IL16: variants seen among roughly 807,000 people sequenced by gnomAD.
IL16 encodes the protein pro-interleukin-16.
Under a neutral mutation model 110.1 loss-of-function variants are expected in IL16, and 67 were observed. The observed-to-expected ratio is 0.61, with a 90% CI of 0.50 to 0.75. IL16 has a LOEUF of 0.75. Ranked by LOEUF, IL16 falls within the 30% of genes least tolerant of loss-of-function variation. IL16 has a pLI of 0.00. For missense variants in IL16, 1,545 were observed against 1,655.0 expected, an observed-to-expected ratio of 0.93 and a Z score of 1.15; for synonymous variants, 689 against 662.9, an observed-to-expected ratio of 1.04 and a Z score of -0.61.
At chr15:81,276,563 A>T (rs1259638182) in intron 6 of IL16, among the ~76,000 whole-genome samples, 1 of 152,232 alleles carries the variant, frequency 6.6e-6, no homozygotes, top group Non-Finnish European at 1.5e-5. Context: ...CCAGGGGAGC[A>T]ACAAGGAAAC....
chr15:81,193,744 A>C (rs1316848844), upstream of IL16, among the ~76,000 whole-genome samples: 4 of 152,180 alleles, frequency 2.6e-5, no homozygotes, highest in Admixed American at 2.6e-4. Context: ...TTGGACGTGC[A>C]CTTTTTGGAC....
Position 81,292,909 on chromosome 15 carries a change from C to T in IL16, c.1774C>T (p.Pro592Ser), listed in dbSNP as rs1899805410. Residue 592 changes from proline to serine, a missense_variant, in exon 12 of 19, where the codon CCT (proline) becomes TCT (serine). Pro to Ser is a moderately conservative substitution (Grantham distance 74). Around this residue, in one of 3 missense-constraint regions of IL16, gnomAD observed 1,185 missense variants for 1,238.8 expected, o/e 0.96. Transcript: ENST00000683961. ...KKSFEILVRK[P>S]MSSKPKPPPR... ...ATCCTTTGAGATTTTGGTGAGAAAG[C>T]CTATGTCCTCCAAGCCCAAGCCTCC... The T allele has an allele frequency of 6.2e-7, 1 of 1,614,204 alleles. No homozygotes were observed. The highest frequency in any genetic ancestry group is 1.1e-5 in the South Asian group (1 of 91,082).
rs934972745 is a variant in IL16, at chr15:81,238,444, A to G, written c.312+12733A>G. Reference sequence around the variant, plus strand: ...TTATAGTTTTCATAGTGGTTGCTGTATATATTACCATATATGCACATAACT... The same window carrying G: ...TTATAGTTTTCATAGTGGTTGCTGTGTATATTACCATATATGCACATAACT... On this transcript the variant is annotated intron_variant, in intron 2 of 18. Transcript: ENST00000683961. Among the ~76,000 whole-genome samples, 3 of 152,288 alleles carry G rather than the reference A, an allele frequency of 2.0e-5. 1 individual carries two copies. Among genetic ancestry groups the G allele is most frequent in the Middle Eastern group, 6.8e-3 (2 of 294 alleles).
Position 81,299,951 on chromosome 15 carries a change from T to A in IL16, c.2625T>A (p.Leu875=), listed in dbSNP as rs771676934. 3.1e-6 allele frequency: 5 copies of A among 1,611,112 alleles called. No individual in the cohort carries two copies. The East Asian group carries it at 1.1e-4, about 36-fold the overall frequency. Residue 875 remains leucine (L), a synonymous_variant, in exon 14 of 19, where the codon CTT becomes CTA. Coordinates refer to ENST00000683961, the MANE Select transcript of IL16 (RefSeq NM_172217.5). ...CCTCTGGGGAGGCAGCAAAACCTCT[T>A]GGGAAGCATGAGGAAGGACGGTTTT... The part of the protein sequence containing the change: ...QPSSGEAAKP[L]GKHEEGRFSG...
chr15:81,299,273 C>T lies in IL16; in HGVS notation c.2054-107C>T, dbSNP rs763759603. 36 of 1,588,076 alleles carry T rather than the reference C, an allele frequency of 2.3e-5. No homozygotes were observed. In the South Asian group the frequency reaches 3.8e-4, roughly 17 times the overall value. ...CTGGGTGTCCCCCACTTCTGCTAATCTCCTCCTCTTGAATCCTTCTTGCTG... is the reference window on the plus strand; with the variant it reads ...CTGGGTGTCCCCCACTTCTGCTAATTTCCTCCTCTTGAATCCTTCTTGCTG... On this transcript the variant is annotated intron_variant, in intron 13 of 18. Coordinates refer to ENST00000683961, the MANE Select transcript of IL16 (RefSeq NM_172217.5).
At chr15:81,191,656 A>T (rs1270937706) in intron 1 of IL16, among the ~76,000 whole-genome samples, 1 of 152,198 alleles carries the variant, frequency 6.6e-6, no homozygotes, top group African/African-American at 2.4e-5. Flanking sequence ...AGGAGAGGTA[A>T]CGGTGAGTGC....
At position 81,303,713 on chromosome 15, in the gene IL16, C is replaced by T. The variant is rs543497534; in HGVS notation, c.3420+63C>T. 2.3e-3 allele frequency: 2,545 copies of T among 1,118,846 alleles called. 42 individuals carry two copies. The highest frequency in any genetic ancestry group is 0.021 in the South Asian group (1,659 of 79,668). 69.3% of individuals were successfully genotyped at this position (1,118,846 alleles called of 1,614,324 possible). A position where few individuals can be genotyped will look rare whatever the true frequency, so the allele number is the denominator to read the frequency against. On this transcript the variant is annotated intron_variant, in intron 16 of 18. Coordinates refer to ENST00000683961, the MANE Select transcript of IL16 (RefSeq NM_172217.5). This position sits in a 1 kb window ranked among gnomAD's most constrained non-coding sequence, Gnocchi z 4.1. ...GCAATGGTTCTGGGGGAGGGGGACA[C>T]ACTTGCCAGGAAGGGGCCCTGTGCT...
At chr15:81,283,301 G>A (rs1899277770) in intron 9 of IL16, among the ~76,000 whole-genome samples, 1 of 152,094 alleles carries the variant, frequency 6.6e-6, no homozygotes. Context: ...TCAAGCCTGT[G>A]GCTGGAGCTG....
chr15:81,257,512 T>G (rs1897990035), intron 2 of IL16, among the ~76,000 whole-genome samples: 1 of 152,118 alleles, frequency 6.6e-6, no homozygotes, highest in South Asian at 2.1e-4. Flanking sequence ...GAGATTGGAT[T>G]GAGGGAAGGG....
intron 1 of IL16, among the ~76,000 whole-genome samples, chr15:81,206,312 C>G (rs1022736412): frequency 1.3e-5 from 2 of 152,150 alleles, no homozygotes; most frequent in Non-Finnish European, 2.9e-5. Flanking sequence ...CAAGCCTGTA[C>G]AGCATGTTAT....
At chr15:81,248,719 C>CTTTTT (rs61480285) in intron 2 of IL16, among the ~76,000 whole-genome samples, 277 of 112,178 alleles carry the variant, frequency 2.5e-3, no homozygotes, top group East Asian at 7.2e-3. Flanking sequence ...TTCTTTCTTT[C>CTTTTT]TTTTTTTTTT....
In IL16 at chr15:81,273,200, G is replaced by A. The variant is rs2142256630; in HGVS notation, c.786G>A (p.Gln262=). The A allele has an allele frequency of 1.2e-6, 2 of 1,606,450 alleles. No homozygotes were observed. The highest frequency in any genetic ancestry group is 1.1e-5 in the South Asian group (1 of 90,452). Residue 262 remains glutamine (Q), a synonymous_variant, in exon 6 of 19, where the codon CAG becomes CAA. Coordinates refer to ENST00000683961, the MANE Select transcript of IL16 (RefSeq NM_172217.5). ...CAGCAGCAGCCGATGGAAGGCTACA[G>A]GAAGGTAGGCTTCCCAGCCCTTTTC... ...GGAAAADGRL[Q]EGDEILELNG...
At position 81,230,376 on chromosome 15, in the gene IL16, G is replaced by A. The variant is rs568981697; in HGVS notation, c.312+4665G>A. On this transcript the variant is annotated intron_variant, in intron 2 of 18. Transcript: ENST00000683961. ...GGCAGCTCAGTTAGAGGGAACGAAA[G>A]GTCAAACTCTCCCTCTCCTCTTTCC... is the stretch of plus-strand genomic sequence containing the variant. 2.0e-5 allele frequency among the ~76,000 whole-genome samples: 3 copies of A among 152,248 alleles called. No homozygotes were observed. The East Asian group carries it at 5.8e-4, about 29-fold the overall frequency.
chr15:81,201,140 AGTGTGTGTGTGTCTCT>A, intron 1 of IL16, among the ~76,000 whole-genome samples: 1 of 151,268 alleles, frequency 6.6e-6, no homozygotes, highest in East Asian at 2.0e-4. Context: ...GAAAATAAAA[AGTGTGTGTGTGTCTCT>A]GTGTGTGTGT....
At chr15:81,187,541 A>G (rs933568206) in intron 1 of IL16, among the ~76,000 whole-genome samples, 10 of 151,228 alleles carry the variant, frequency 6.6e-5, no homozygotes, top group Admixed American at 6.6e-4. Flanking sequence ...TTTGCAGTGA[A>G]CTATGATTGT....
chr15:81,283,380 A>G (rs1480863889), intron 9 of IL16, among the ~76,000 whole-genome samples: 1 of 152,094 alleles, frequency 6.6e-6, no homozygotes, highest in African/African-American at 2.4e-5. Flanking sequence ...AACAAACAAA[A>G]AAAAGAGAAT....
chr15:81,227,811 T>C (rs1170507554), intron 2 of IL16, among the ~76,000 whole-genome samples: 2 of 152,000 alleles, frequency 1.3e-5, no homozygotes, highest in Non-Finnish European at 2.9e-5. Flanking sequence ...GTGGTGGTGG[T>C]AGAGGCACTG....
chr15:81,185,607 A>G (rs1482340121), intron 1 of IL16, among the ~76,000 whole-genome samples: 1 of 152,170 alleles, frequency 6.6e-6, no homozygotes, highest in East Asian at 1.9e-4. Flanking sequence ...TATTTTCAAC[A>G]AATTATTTAT....
At chr15:81,207,424 G>C (rs777413764) in intron 1 of IL16, among the ~76,000 whole-genome samples, 1 of 151,990 alleles carries the variant, frequency 6.6e-6, no homozygotes, top group Non-Finnish European at 1.5e-5. Flanking sequence ...TTTAGATACA[G>C]GGGATACATA....
Sources: allele counts gnomAD v4.1 joint callset (sites outside exome capture counted in the v4.1 genomes callset), GRCh38; gene constraint gnomAD v4.1.1; regional missense constraint gnomAD v4.1.1; non-coding constraint Gnocchi (gnomAD v3.1); transcripts MANE v1.5; gene names NCBI Gene and HGNC (gene_info 2026-07-23, HGNC 2026-07-21).